Variants in GPC5 observed in about 807,000 individuals in gnomAD.
GPC5 encodes the protein glypican-5.
In GPC5, 47 loss-of-function variants were observed where a neutral mutation model predicts 53.9. The observed-to-expected ratio is 0.87, with a 90% CI of 0.69 to 1.11. The LOEUF (loss-of-function observed/expected upper bound fraction) is 1.11, where lower values mean the gene tolerates loss of function less well. GPC5 is among the 50% of genes most tolerant of loss of function. GPC5 has a pLI of 0.00. For synonymous variants in GPC5, 286 were observed against 263.3 expected, an observed-to-expected ratio of 1.09 and a Z score of -0.84; for missense variants, 748 against 713.1, an observed-to-expected ratio of 1.05 and a Z score of -0.56.
intron 1 of GPC5, among the ~76,000 whole-genome samples, chr13:91,408,666 A>G (rs1877503068): frequency 6.6e-6 from 1 of 152,198 alleles, no homozygotes; most frequent in Non-Finnish European, 1.5e-5. Context: ...TAACTTAAAT[A>G]TGTTTCAAAT....
At chr13:92,736,737 C>T (rs1888945352) in intron 7 of GPC5, among the ~76,000 whole-genome samples, 1 of 151,978 alleles carries the variant, frequency 6.6e-6, no homozygotes, top group South Asian at 2.1e-4. Context: ...GCTTGTCTCC[C>T]TAACTCCCAG....
intron 7 of GPC5, among the ~76,000 whole-genome samples, chr13:92,836,224 T>C (rs754850576): frequency 3.9e-5 from 6 of 152,230 alleles, no homozygotes; most frequent in Non-Finnish European, 8.8e-5. Flanking sequence ...TTCAATATTG[T>C]CCTCTTATCA....
chr13:92,831,293 C>G (rs2148229), intron 7 of GPC5, among the ~76,000 whole-genome samples: 150 of 151,928 alleles, frequency 9.9e-4, no homozygotes, highest in African/African-American at 3.2e-3. Context: ...TAAAACATGA[C>G]TCTTTTCATG....
intron 7 of GPC5, among the ~76,000 whole-genome samples, chr13:92,277,648 G>A (rs1054253826): frequency 2.0e-5 from 3 of 151,566 alleles, no homozygotes; most frequent in Admixed American, 6.6e-5. Flanking sequence ...GTTTTTTATC[G>A]TTGCTGTTGG....
chr13:92,535,805 T>C (rs1881705499), intron 7 of GPC5, among the ~76,000 whole-genome samples: 1 of 152,138 alleles, frequency 6.6e-6, no homozygotes, highest in Admixed American at 6.6e-5. Flanking sequence ...CTTGCACTTG[T>C]ATATTAGAAA....
chr13:92,075,220 GA>G (rs2138871396), intron 6 of GPC5, among the ~76,000 whole-genome samples: 1 of 152,162 alleles, frequency 6.6e-6, no homozygotes, highest in Admixed American at 6.5e-5. Context: ...TGTATGTGAC[GA>G]AAAAATGTTC....
chr13:92,150,298 CAAAT>C (rs10604299), intron 7 of GPC5, among the ~76,000 whole-genome samples: 36,250 of 151,640 alleles, frequency 0.24, 4,828 homozygotes, highest in African/African-American at 0.32. Context: ...GAAAAATTCA[CAAAT>C]AAACACTTGC....
chr13:91,557,647 A>G (rs2031032209), intron 2 of GPC5, among the ~76,000 whole-genome samples: 1 of 152,150 alleles, frequency 6.6e-6, no homozygotes, highest in Non-Finnish European at 1.5e-5. Context: ...TAAAAGCACT[A>G]TTCATTCCCA....
intron 2 of GPC5, among the ~76,000 whole-genome samples, chr13:91,490,018 A>G (rs1419712431): frequency 6.6e-6 from 1 of 152,218 alleles, no homozygotes; most frequent in African/African-American, 2.4e-5. Flanking sequence ...CTCCTTTTGT[A>G]TACCCACTTG....
intron 7 of GPC5, among the ~76,000 whole-genome samples, chr13:92,743,713 G>T (rs1237214321): frequency 6.6e-6 from 1 of 152,054 alleles, no homozygotes; most frequent in Non-Finnish European, 1.5e-5. Context: ...TATGATATTG[G>T]CTGTGGGTTT....
At chr13:92,607,114 A>G (rs1884282752) in intron 7 of GPC5, among the ~76,000 whole-genome samples, 1 of 152,196 alleles carries the variant, frequency 6.6e-6, no homozygotes, top group Non-Finnish European at 1.5e-5. Context: ...ATATCCAGCT[A>G]TGTGGAAAAT....
chr13:92,187,281 C>A (rs1456564948), intron 7 of GPC5, among the ~76,000 whole-genome samples: 3 of 152,136 alleles, frequency 2.0e-5, no homozygotes. Context: ...AAGGTATATT[C>A]CTTCCCTAGT....
At chr13:92,153,554 T>G (rs1223590364) in intron 7 of GPC5, among the ~76,000 whole-genome samples, 4 of 152,352 alleles carry the variant, frequency 2.6e-5, no homozygotes, top group African/African-American at 9.6e-5. Context: ...TGGTACGATA[T>G]GAACAATGTT....
chr13:92,067,368 T>A (rs2041175720), intron 6 of GPC5, among the ~76,000 whole-genome samples: 1 of 152,082 alleles, frequency 6.6e-6, no homozygotes, highest in African/African-American at 2.4e-5. Flanking sequence ...GGGTACCAAC[T>A]AATTGTAATT....
chr13:92,799,866 G>C (rs935110934), intron 7 of GPC5, among the ~76,000 whole-genome samples: 1 of 151,736 alleles, frequency 6.6e-6, no homozygotes, highest in Non-Finnish European at 1.5e-5. Flanking sequence ...TCAAGGAAGA[G>C]GGAAGAACAC....
At chr13:91,982,500 AG>A (rs1048869330) in intron 6 of GPC5, among the ~76,000 whole-genome samples, 61 of 152,178 alleles carry the variant, frequency 4.0e-4, no homozygotes, top group African/African-American at 1.3e-3. Flanking sequence ...AAAAGCAAAA[AG>A]GATTAGGGAA....
At chr13:92,480,468 T>A (rs1181400149) in intron 7 of GPC5, among the ~76,000 whole-genome samples, 1 of 152,150 alleles carries the variant, frequency 6.6e-6, no homozygotes, top group Non-Finnish European at 1.5e-5. Context: ...AAACCCAAGT[T>A]TAAGAAGGCT....
intron 6 of GPC5, among the ~76,000 whole-genome samples, chr13:92,102,925 C>T (rs1039563123): frequency 6.6e-6 from 1 of 152,146 alleles, no homozygotes; most frequent in African/African-American, 2.4e-5. Context: ...AGCAGTGACA[C>T]CAGCAAGGCT....
intron 7 of GPC5, among the ~76,000 whole-genome samples, chr13:92,156,522 T>A (rs2041946427): frequency 6.6e-6 from 1 of 150,842 alleles, no homozygotes; most frequent in South Asian, 2.1e-4. Context: ...GTGCTCTCTC[T>A]CATTTCTGCT....
Sources: gnomAD v4.1 joint callset for allele counts (sites outside exome capture counted in the v4.1 genomes callset) on GRCh38, gnomAD v4.1.1 for gene constraint, MANE v1.5 for transcripts, NCBI Gene and HGNC (gene_info 2026-07-23, HGNC 2026-07-21) for gene names.